Variants in GPR35 observed in about 807,000 individuals in gnomAD.
The protein encoded by GPR35 is G protein-coupled receptor 35.
For synonymous variants in GPR35, 207 were observed against 198.4 expected (o/e 1.04, Z -0.36); for missense variants, 372 against 422.5 (o/e 0.88, Z 1.05).
In GPR35 at chr2:240,630,725, T is replaced by G. The variant is rs1372101491; in HGVS notation, c.773T>G (p.Leu258Arg). ...CTCCTGGAGACGATCCGTCGCGCCC[T>G]GTACATAACCAGCAAGCTCTCAGAT... ...CALLETIRRA[L>R]YITSKLSDAN... is the part of the protein sequence containing the mutation. Residue 258 changes from leucine to arginine, a missense_variant, in exon 2 of 2, where the codon CTG becomes CGG. Coordinates refer to ENST00000407714, the MANE Select transcript of GPR35 (RefSeq NM_005301.5). The G allele has an allele frequency of 1.2e-6, 2 of 1,613,448 alleles. No individual in the cohort carries two copies. The highest frequency in any genetic ancestry group is 1.7e-6 in the Non-Finnish European group (2 of 1,180,038).
upstream of GPR35, among the ~76,000 whole-genome samples, chr2:240,621,970 T>C (rs2043300849): frequency 6.6e-6 from 1 of 152,122 alleles, no homozygotes; most frequent in African/African-American, 2.4e-5. Context: ...CCTCCCAGGC[T>C]CAGGTGCTCC....
At chr2:240,617,847 C>G (rs2043255520) in intron 4 of GPR35, 1 of 154,938 alleles carries the variant, frequency 6.5e-6, no homozygotes, top group Middle Eastern at 3.4e-3. Flanking sequence ...TGGCACTGCC[C>G]TAATAATCTT....
upstream of GPR35, among the ~76,000 whole-genome samples, chr2:240,621,207 A>T (rs1398998522): frequency 6.6e-6 from 1 of 152,258 alleles, no homozygotes. Context: ...GGACACCAGA[A>T]AAACAGTCAT....
At chr2:240,613,271 A>C (rs886200093) in intron 2 of GPR35, among the ~76,000 whole-genome samples, 1 of 152,122 alleles carries the variant, frequency 6.6e-6, no homozygotes, top group Non-Finnish European at 1.5e-5. Context: ...GAGTGAGCAG[A>C]GAGGACAGCA....
At chr2:240,622,379 C>G (rs114993912), upstream of GPR35, among the ~76,000 whole-genome samples, 298 of 152,302 alleles carry the variant, frequency 2.0e-3, 1 homozygote, top group African/African-American at 6.7e-3. Flanking sequence ...TTCTCTGGCT[C>G]TCCCAGGCTC....
At chr2:240,623,395 G>A (rs1328085064), upstream of GPR35, among the ~76,000 whole-genome samples, 71 of 97,762 alleles carry the variant, frequency 7.3e-4, no homozygotes, top group African/African-American at 1.4e-3. Flanking sequence ...GCGCAAACAG[G>A]TCGTGAGGGC....
chr2:240,616,106 G>A (rs371182546), intron 2 of GPR35, among the ~76,000 whole-genome samples: 5 of 152,080 alleles, frequency 3.3e-5, no homozygotes, highest in African/African-American at 9.7e-5. Context: ...CTTCTGTTTC[G>A]CCTGCTTGGT....
intron 5 of GPR35, among the ~76,000 whole-genome samples, chr2:240,620,037 G>C (rs1430388462): frequency 6.6e-6 from 1 of 152,220 alleles, no homozygotes; most frequent in African/African-American, 2.4e-5. Context: ...TGCAGAGGAA[G>C]GGGAAGGAGT....
intron 1 of GPR35, chr2:240,628,881 C>CGT (rs1350186562): frequency 1.3e-5 from 2 of 152,236 alleles, no homozygotes; most frequent in Non-Finnish European, 2.9e-5. Flanking sequence ...GGTGGTGGGA[C>CGT]GTGTGGCTGT....
chr2:240,626,205 G>C (rs74357912), intron 1 of GPR35, among the ~76,000 whole-genome samples: 3 of 63,886 alleles, frequency 4.7e-5, no homozygotes, highest in African/African-American at 5.8e-5. Context: ...GGGTGAGGCT[G>C]TGACGGGGTC....
At chr2:240,616,426 C>A in exon 3 of GPR35, 1 of 780,434 alleles carries the variant, frequency 1.3e-6, no homozygotes, top group Non-Finnish European at 2.4e-6. Context: ...ACTGGACTTG[C>A]AAAGTCCAGC....
rs2043454681 is a variant in GPR35, at chr2:240,632,076, G to C, written c.*1194G>C. On this transcript the variant is annotated 3_prime_UTR_variant, in exon 2 of 2. Transcript: ENST00000407714. ...GCCCAGGAAGGTCCATGCCCAGGAT[G>C]GTCCATGAGCAGGAGGGCCTCATTC... Among the ~76,000 whole-genome samples the C allele has an allele frequency of 6.6e-6, 1 of 152,074 alleles. No individual in the cohort carries two copies. Among genetic ancestry groups the C allele is most frequent in the Non-Finnish European group, 1.5e-5 (1 of 67,978 alleles).
intron 2 of GPR35, among the ~76,000 whole-genome samples, chr2:240,610,505 G>T: frequency 6.6e-6 from 1 of 152,204 alleles, no homozygotes; most frequent in South Asian, 2.1e-4. Context: ...CTGTCACTCA[G>T]CCTGGAATAC....
chr2:240,630,739 A>G lies in GPR35; in HGVS notation c.787A>G (p.Lys263Glu). ...TIRRALYITSKLSDANCCLDA... is the reference protein window; with the variant it reads ...TIRRALYITSELSDANCCLDA... ...CCGTCGCGCCCTGTACATAACCAGC[A>G]AGCTCTCAGATGCCAACTGCTGCCT... The change falls in exon 2 of 2, where the codon AAG (lysine) becomes GAG (glutamate). Residue 263 changes from lysine (K) to glutamate (E), a missense_variant. Transcript: ENST00000407714. The G allele has an allele frequency of 1.2e-6, 2 of 1,613,558 alleles. No individual in the cohort carries two copies. Among genetic ancestry groups the G allele is most frequent in the Non-Finnish European group, 8.5e-7 (1 of 1,180,036 alleles).
At chr2:240,626,331 G>A (rs531107431) in intron 1 of GPR35, among the ~76,000 whole-genome samples, 1 of 127,168 alleles carries the variant, frequency 7.9e-6, no homozygotes, top group African/African-American at 3.2e-5. Context: ...CTGTGACGGG[G>A]TCTCAGAGTG....
At chr2:240,610,914 A>C (rs1575459963) in intron 2 of GPR35, among the ~76,000 whole-genome samples, 3 of 151,456 alleles carry the variant, frequency 2.0e-5, no homozygotes, top group Admixed American at 2.0e-4. Flanking sequence ...GGTTACAGGC[A>C]TGAGCCACTG....
intron 1 of GPR35, among the ~76,000 whole-genome samples, chr2:240,625,861 G>GT (rs1262785257): frequency 2.2e-5 from 2 of 92,212 alleles, no homozygotes; most frequent in African/African-American, 4.0e-5. Context: ...TGTGATGGGT[G>GT]TCTCAGAGTG....
rs141249079 is a variant in GPR35 at position 240,630,030 on chromosome 2, C to T, written c.78C>T (p.Tyr26=). The change falls in exon 2 of 2, where the codon TAC becomes TAT. Residue 26 remains tyrosine (Y), a synonymous_variant. Transcript: ENST00000407714. ...PPAIKLGFYA[Y]LGVLLVLGLL... ...CGATCAAGCTGGGCTTCTACGCCTA[C>T]TTGGGCGTCCTGCTGGTGCTAGGCC... The T allele has an allele frequency of 6.2e-7, 1 of 1,612,876 alleles. No homozygotes were observed. Among genetic ancestry groups the T allele is most frequent in the Middle Eastern group, 1.7e-4 (1 of 6,058 alleles).
At chr2:240,612,766 G>A (rs553864492) in intron 2 of GPR35, among the ~76,000 whole-genome samples, 30 of 152,242 alleles carry the variant, frequency 2.0e-4, no homozygotes, top group African/African-American at 5.8e-4. Flanking sequence ...GATCAAATCC[G>A]GGCTTCTCCA....
Sources: allele counts gnomAD v4.1 joint callset (sites outside exome capture counted in the v4.1 genomes callset), GRCh38; gene constraint gnomAD v4.1.1; transcripts MANE v1.5; gene names NCBI Gene and HGNC (gene_info 2026-07-23, HGNC 2026-07-21).